The following PIEZO2 variants were observed in gnomAD, a reference collection of about 807,000 sequenced individuals.
PIEZO2 encodes the protein piezo-type mechanosensitive ion channel component 2.
Under a neutral mutation model 337.3 loss-of-function variants are expected in PIEZO2, and 172 were observed. The observed-to-expected ratio is 0.51, with a 90% CI of 0.45 to 0.58. The LOEUF (loss-of-function observed/expected upper bound fraction) is 0.58, where lower values mean the gene tolerates loss of function less well. PIEZO2 is among the 20% of genes least tolerant of loss of function. The probability of loss-of-function intolerance (pLI) is 0.00; values close to 1 mark genes in which losing one functional copy is unlikely to be tolerated. For missense variants in PIEZO2, 3,028 were observed against 3,391.3 expected, an observed-to-expected ratio of 0.89 and a Z score of 2.66; for synonymous variants, 1,251 against 1,228.5, an observed-to-expected ratio of 1.02 and a Z score of -0.38.
chr18:10,922,713 G>A (rs920403498), intron 3 of PIEZO2, among the ~76,000 whole-genome samples: 5 of 152,084 alleles, frequency 3.3e-5, no homozygotes, highest in African/African-American at 1.2e-4. Context: ...GGCAGGCAGG[G>A]AGTTCAGGCA....
chr18:10,957,312 G>A (rs1487694118), intron 3 of PIEZO2, among the ~76,000 whole-genome samples: 12 of 151,776 alleles, frequency 7.9e-5, no homozygotes, highest in African/African-American at 2.4e-4. Context: ...TAAGAGAGTC[G>A]CTTGACCCTG....
intron 7 of PIEZO2, among the ~76,000 whole-genome samples, chr18:10,851,564 T>C (rs1457963822): frequency 2.0e-5 from 3 of 152,226 alleles, no homozygotes; most frequent in African/African-American, 7.2e-5. Flanking sequence ...TTAATATCTT[T>C]ACCATAAGAT....
chr18:10,685,864 G>A (rs901365116), intron 49 of PIEZO2, among the ~76,000 whole-genome samples: 4 of 152,184 alleles, frequency 2.6e-5, no homozygotes, highest in African/African-American at 9.7e-5. Context: ...GAGAACGCAG[G>A]CTGCGGGCAC....
chr18:10,719,913 GAA>G (rs1188748411), intron 36 of PIEZO2, among the ~76,000 whole-genome samples: 1 of 151,984 alleles, frequency 6.6e-6, no homozygotes, highest in Non-Finnish European at 1.5e-5. Flanking sequence ...AAAGTAAAAT[GAA>G]AAAATCAGGT....
intron 7 of PIEZO2, among the ~76,000 whole-genome samples, chr18:10,816,634 A>G (rs1598525451): frequency 6.6e-6 from 1 of 151,966 alleles, no homozygotes; most frequent in East Asian, 1.9e-4. Context: ...GATTTTCTCC[A>G]CTAATCATTA....
chr18:10,976,999 A>ATGTGTGTGTGTGTG (rs1491283264), intron 3 of PIEZO2, among the ~76,000 whole-genome samples: 1 of 50,250 alleles, frequency 2.0e-5, no homozygotes, highest in African/African-American at 5.7e-5. Flanking sequence ...GCAAGAACAA[A>ATGTGTGTGTGTGTG]TATGTGTGTG....
Position 10,905,719 on chromosome 18 carries a change from C to T in PIEZO2, c.329+5467G>A, listed in dbSNP as rs536752303. ...TAGTGACAAATGACACTTCCAGAAG[C>T]TGCTGCAACGTAATGACAAAAAGAC... On this transcript the variant is annotated intron_variant, in intron 4 of 55. Coordinates refer to ENST00000674853, the MANE Select transcript of PIEZO2 (RefSeq NM_001378183.1). Among the ~76,000 whole-genome samples the T allele has an allele frequency of 3.3e-5, 5 of 152,006 alleles. No individual in the cohort carries two copies. The East Asian group carries it at 9.6e-4, about 29-fold the overall frequency.
intron 39 of PIEZO2, among the ~76,000 whole-genome samples, chr18:10,710,511 A>G (rs763119781): frequency 6.6e-6 from 1 of 152,248 alleles, no homozygotes; most frequent in Non-Finnish European, 1.5e-5. Context: ...ATCTGATTAT[A>G]TAAAGCAACC....
intron 1 of PIEZO2, among the ~76,000 whole-genome samples, chr18:11,082,038 G>A (rs2038761179): frequency 6.6e-6 from 1 of 152,146 alleles, no homozygotes; most frequent in African/African-American, 2.4e-5. Flanking sequence ...GGGATTACAG[G>A]CGTGAGCCAC....
At chr18:11,043,281 C>T (rs1006026444) in intron 2 of PIEZO2, among the ~76,000 whole-genome samples, 2 of 151,242 alleles carry the variant, frequency 1.3e-5, no homozygotes, top group African/African-American at 4.9e-5. Flanking sequence ...ACTCACAGAA[C>T]ATATATGTAT....
Position 10,872,275 on chromosome 18 carries a change from T to C in PIEZO2, c.330-860A>G, listed in dbSNP as rs2042158145. Among the ~76,000 whole-genome samples, 1 of 152,154 alleles carries C rather than the reference T, an allele frequency of 6.6e-6. No individual in the cohort carries two copies. On this transcript the variant is annotated intron_variant, in intron 4 of 55. Coordinates refer to ENST00000674853, the MANE Select transcript of PIEZO2 (RefSeq NM_001378183.1). The surrounding 1 kb of genome is among the most constrained non-coding windows in gnomAD (Gnocchi z 4.3). ...GGCATTTTTGTTATAATTGAGATCCTGAAACAAATATATTTAATAATATAG... is the reference window on the plus strand; with the variant it reads ...GGCATTTTTGTTATAATTGAGATCCCGAAACAAATATATTTAATAATATAG...
rs145620699 is a variant in PIEZO2 at position 11,034,850 on chromosome 18, A to G, written c.160+31277T>C. On this transcript the variant is annotated intron_variant, in intron 2 of 55. Coordinates refer to ENST00000674853, the MANE Select transcript of PIEZO2 (RefSeq NM_001378183.1). ...ACAGAGCGAGACTCCGTCTCAAACA[A>G]AAACAAACAAACAAACAAAAACCTC... is the stretch of plus-strand genomic sequence containing the variant. 3.1e-3 allele frequency among the ~76,000 whole-genome samples: 477 copies of G among 152,208 alleles called. 5 individuals are homozygous for G. The highest frequency in any genetic ancestry group is 0.011 in the African/African-American group (453 of 41,532).
Position 10,784,484 on chromosome 18 carries a change from C to T in PIEZO2, c.2492+300G>A, listed in dbSNP as rs1257676610. On this transcript the variant is annotated intron_variant, in intron 17 of 55. Coordinates refer to ENST00000674853, the MANE Select transcript of PIEZO2 (RefSeq NM_001378183.1). This position sits in a 1 kb window ranked among gnomAD's most constrained non-coding sequence, Gnocchi z 4.5. ...AAATGTTCTAAAAACATATAACCAG[C>T]CTAGACACAAATACACATATCAACT... is the stretch of plus-strand genomic sequence containing the variant. 6.6e-6 allele frequency among the ~76,000 whole-genome samples: 1 copy of T among 152,168 alleles called. No homozygotes were observed. The highest frequency in any genetic ancestry group is 1.5e-5 in the Non-Finnish European group (1 of 68,042).
intron 30 of PIEZO2, among the ~76,000 whole-genome samples, chr18:10,747,947 C>T (rs1004457613): frequency 6.6e-6 from 1 of 151,976 alleles, no homozygotes; most frequent in African/African-American, 2.4e-5. Context: ...TCGACACCCA[C>T]CCCCACCTCA....
intron 47 of PIEZO2, among the ~76,000 whole-genome samples, chr18:10,692,854 G>T (rs2034912368): frequency 6.6e-6 from 1 of 152,182 alleles, no homozygotes; most frequent in Admixed American, 6.5e-5. Context: ...TAGATCTTTT[G>T]CAATTCCATA....
rs1241493555 is a variant in PIEZO2 at position 11,027,169 on chromosome 18, G to C, written c.160+38958C>G. Among the ~76,000 whole-genome samples the C allele has an allele frequency of 6.6e-6, 1 of 152,212 alleles. No homozygotes were observed. The highest frequency in any genetic ancestry group is 1.5e-5 in the Non-Finnish European group (1 of 68,042). On this transcript the variant is annotated intron_variant, in intron 2 of 55. Transcript: ENST00000674853. This position sits in a 1 kb window ranked among gnomAD's most constrained non-coding sequence, Gnocchi z 4.2. ...TAAAGTAGGAGCCAGAATTCAAGGG[G>C]CTTGGGGATGGAATTTGAAGAGACC... is the stretch of plus-strand genomic sequence containing the variant.
rs9950584 is a variant in PIEZO2 at position 11,128,575 on chromosome 18, C to T, written c.64+19950G>A. 2.5e-3 allele frequency among the ~76,000 whole-genome samples: 376 copies of T among 152,288 alleles called. 2 individuals are homozygous for T. Among genetic ancestry groups the T allele is most frequent in the African/African-American group, 8.3e-3 (344 of 41,556 alleles). On this transcript the variant is annotated intron_variant, in intron 1 of 55. Coordinates refer to ENST00000674853, the MANE Select transcript of PIEZO2 (RefSeq NM_001378183.1). The surrounding 1 kb of genome is among the most constrained non-coding windows in gnomAD (Gnocchi z 4.1). ...AGCGGCAACATCCCTTCCCAAACCA[C>T]GCTGCCATCAGCCTTTCCACCTTTG...
intron 3 of PIEZO2, among the ~76,000 whole-genome samples, chr18:10,930,496 G>T (rs528094482): frequency 6.6e-6 from 1 of 152,288 alleles, no homozygotes; most frequent in South Asian, 2.1e-4. Flanking sequence ...GTCTTTGCCT[G>T]TAACTTCTGT....
chr18:10,770,111 T>C (rs558545314), intron 21 of PIEZO2, 37 bp downstream of exon 21: 3 of 1,532,428 alleles, frequency 2.0e-6, no homozygotes, highest in Middle Eastern at 1.7e-4. Context: ...CTACTGTGGT[T>C]CTGTTCAGCC....
Sources: gnomAD v4.1 joint callset for allele counts (sites outside exome capture counted in the v4.1 genomes callset) on GRCh38, gnomAD v4.1.1 for gene constraint, Gnocchi (gnomAD v3.1) non-coding constraint, MANE v1.5 for transcripts, NCBI Gene and HGNC (gene_info 2026-07-23, HGNC 2026-07-21) for gene names.